The following SPATA31F3 variants were observed in gnomAD, a reference collection of about 807,000 sequenced individuals.
SPATA31F3 encodes protein SPATA31F3.
At chr9:34,892,395 T>C in the SPATA31F3 span, among the ~76,000 whole-genome samples, 1 of 152,262 alleles carries the variant, frequency 6.6e-6, no homozygotes, top group South Asian at 2.1e-4. Context: ...AAATGGCTGT[T>C]TGTCTGTCTG....
chr9:34,894,331 A>G, the SPATA31F3 span: 2 of 396,756 alleles, frequency 5.0e-6, no homozygotes, highest in African/African-American at 4.1e-5. Flanking sequence ...TCCACTGTGT[A>G]TGTCTCCCTC....
the SPATA31F3 span, chr9:34,889,645 T>G: frequency 2.3e-5 from 9 of 398,580 alleles, no homozygotes; most frequent in African/African-American, 1.6e-4. Flanking sequence ...TCTGGAAGGA[T>G]GATGCTCTTG....
chr9:34,894,966 G>T, the SPATA31F3 span: 1 of 398,266 alleles, frequency 2.5e-6, no homozygotes, highest in Non-Finnish European at 4.4e-6. Flanking sequence ...AGCAGCAGGG[G>T]TCATAGAGGG....
At chr9:34,894,945 C>A in the SPATA31F3 span, 595 of 397,828 alleles carry the variant, frequency 1.5e-3, 3 homozygotes, top group African/African-American at 0.011. Flanking sequence ...GTGGTTAGAG[C>A]ACCTGCTGTT....
At chr9:34,892,866 A>G in the SPATA31F3 span, 2 of 699,702 alleles carry the variant, frequency 2.9e-6, no homozygotes, top group Non-Finnish European at 5.2e-6. Flanking sequence ...TGGGTTAAAG[A>G]TTTCTGATCC....
chr9:34,891,797 C>T, the SPATA31F3 span, among the ~76,000 whole-genome samples: 1 of 152,144 alleles, frequency 6.6e-6, no homozygotes, highest in Admixed American at 6.5e-5. Flanking sequence ...TGTATGATTT[C>T]CTGGATCTAC....
chr9:34,891,729 A>G, the SPATA31F3 span, among the ~76,000 whole-genome samples: 1 of 152,174 alleles, frequency 6.6e-6, no homozygotes, highest in African/African-American at 2.4e-5. Flanking sequence ...GGACTTCCCC[A>G]ATCAAAGAGT....
the SPATA31F3 span, chr9:34,889,664 G>C: frequency 2.5e-6 from 1 of 398,472 alleles, no homozygotes; most frequent in Non-Finnish European, 4.4e-6. Context: ...TGTGAGTATG[G>C]ACTGCCCTTA....
the SPATA31F3 span, chr9:34,895,752 C>G: frequency 2.5e-6 from 1 of 402,422 alleles, no homozygotes; most frequent in Non-Finnish European, 4.4e-6. Context: ...ATCCCTCTCC[C>G]TAGTCTTTCA....
chr9:34,892,774 GA>G, the SPATA31F3 span: 2 of 568,398 alleles, frequency 3.5e-6, no homozygotes, highest in Non-Finnish European at 6.3e-6. Context: ...ACACAGCTGG[GA>G]CTTGAGATCT....
the SPATA31F3 span, among the ~76,000 whole-genome samples, chr9:34,893,611 A>G: frequency 1.3e-5 from 2 of 151,976 alleles, no homozygotes; most frequent in South Asian, 4.1e-4. Flanking sequence ...CAAAAAAAAA[A>G]AAGAAAAAAG....
chr9:34,890,645 C>T, the SPATA31F3 span, among the ~76,000 whole-genome samples: 12 of 152,208 alleles, frequency 7.9e-5, no homozygotes, highest in African/African-American at 2.9e-4. Context: ...AATGTTTTCC[C>T]TTGGTTTAGC....
At chr9:34,893,065 C>A in the SPATA31F3 span, 2 of 972,994 alleles carry the variant, frequency 2.1e-6, no homozygotes, top group Non-Finnish European at 1.5e-6. Flanking sequence ...ATTGCTTAAT[C>A]TCCAGAGCCA....
the SPATA31F3 span, among the ~76,000 whole-genome samples, chr9:34,893,628 A>G: frequency 6.6e-6 from 1 of 151,968 alleles, no homozygotes; most frequent in African/African-American, 2.4e-5. Context: ...AAAGAAAAGA[A>G]AAAGAAAAAG....
the SPATA31F3 span, chr9:34,892,688 T>C: frequency 6.7e-4 from 308 of 460,166 alleles, 1 homozygote; most frequent in Middle Eastern, 0.017. Flanking sequence ...TTTGGAGTTG[T>C]TTTTCGTCCT....
the SPATA31F3 span, chr9:34,894,645 G>A: frequency 1.5e-3 from 605 of 396,816 alleles, 3 homozygotes; most frequent in African/African-American, 0.011. Context: ...TAACTTAACC[G>A]TTTACGATGT....
chr9:34,892,065 G>T, the SPATA31F3 span, among the ~76,000 whole-genome samples: 4 of 152,148 alleles, frequency 2.6e-5, no homozygotes, highest in African/African-American at 9.7e-5. Flanking sequence ...TCAGACCAGG[G>T]ATCTCTAAAG....
the SPATA31F3 span, chr9:34,893,124 C>T: frequency 1.2e-6 from 1 of 811,186 alleles, no homozygotes; most frequent in Non-Finnish European, 1.8e-6. Context: ...ATTCGCCGCA[C>T]ACTTCCTTCC....
chr9:34,892,909 C>T, the SPATA31F3 span: 7 of 690,934 alleles, frequency 1.0e-5, no homozygotes, highest in Admixed American at 1.5e-4. Flanking sequence ...TTACAGATGC[C>T]AGTGAAAGCT....
Sources: allele counts gnomAD v4.1 joint callset (sites outside exome capture counted in the v4.1 genomes callset), GRCh38; gene constraint gnomAD v4.1.1; transcripts MANE v1.5; gene names NCBI Gene and HGNC (gene_info 2026-07-23, HGNC 2026-07-21).